The following HS6ST3 variants were observed in gnomAD, a reference collection of about 807,000 sequenced individuals.
HS6ST3 encodes the protein heparan-sulfate 6-O-sulfotransferase 3.
Under a neutral mutation model 36.7 loss-of-function variants are expected in HS6ST3, and 12 were observed. The observed-to-expected ratio is 0.33, with a 90% CI of 0.21 to 0.53. HS6ST3 has a LOEUF of 0.53. HS6ST3 is among the 20% of genes least tolerant of loss of function. The pLI, the probability that HS6ST3 is intolerant of heterozygous loss-of-function variation, is 0.95. For synonymous variants in HS6ST3, 240 were observed against 257.5 expected, an observed-to-expected ratio of 0.93 and a Z score of 0.65; for missense variants, 584 against 640.9, an observed-to-expected ratio of 0.91 and a Z score of 0.96.
intron 1 of HS6ST3, among the ~76,000 whole-genome samples, chr13:96,555,791 CT>C (rs1322194242): frequency 6.6e-6 from 1 of 151,028 alleles, no homozygotes; most frequent in Non-Finnish European, 1.5e-5. Context: ...AATAAAGACT[CT>C]TTAAACAGAT....
chr13:96,351,508 C>T (rs1056656704), intron 1 of HS6ST3, among the ~76,000 whole-genome samples: 8 of 152,116 alleles, frequency 5.3e-5, no homozygotes, highest in Admixed American at 3.9e-4. Flanking sequence ...GACAGGGTTT[C>T]ACTGCATTGC....
chr13:96,674,630 T>C (rs982550883), intron 1 of HS6ST3, among the ~76,000 whole-genome samples: 1 of 152,098 alleles, frequency 6.6e-6, no homozygotes, highest in Non-Finnish European at 1.5e-5. Context: ...GACTCGTTGT[T>C]GTTGAGTTCG....
chr13:96,400,338 CAT>C lies in HS6ST3; in HGVS notation c.707+308771_707+308772del, dbSNP rs1491011801. ...ACACACACACACACACACACACACA[CAT>C]ACAAATTCTTGACTCCTGAATAGGC... On this transcript the variant is annotated intron_variant, in intron 1 of 1. Coordinates refer to ENST00000376705, the MANE Select transcript of HS6ST3 (RefSeq NM_153456.4). 1.2e-4 allele frequency among the ~76,000 whole-genome samples: 18 copies of C among 147,818 alleles called. 1 individual carries two copies. Among genetic ancestry groups the C allele is most frequent in the South Asian group, 2.2e-4 (1 of 4,600 alleles).
intron 1 of HS6ST3, among the ~76,000 whole-genome samples, chr13:96,544,214 G>A (rs747064334): frequency 1.1e-4 from 17 of 152,244 alleles, no homozygotes; most frequent in East Asian, 5.8e-4. Context: ...GGAACACTGC[G>A]TCTAATTTGG....
At position 96,839,362 on chromosome 13, in the gene HS6ST3, A is replaced by G. The variant is rs912550096; in HGVS notation, c.*6164A>G. The G allele has an allele frequency of 3.3e-5, 5 of 152,172 alleles. No homozygotes were observed. The highest frequency in any genetic ancestry group is 3.3e-4 in the Admixed American group (5 of 15,276). 9.4% of individuals were successfully genotyped at this position (152,172 alleles called of 1,614,324 possible). ...TAGATAGTTATTCAGTAGATAGTAA[A>G]TTATTTCTCTTAAGAGATATTTCCT... On this transcript the variant is annotated 3_prime_UTR_variant, in exon 2 of 2. Coordinates refer to ENST00000376705, the MANE Select transcript of HS6ST3 (RefSeq NM_153456.4).
rs571895630 is a variant in HS6ST3 at position 96,761,415 on chromosome 13, G to A, written c.708-71075G>A. Among the ~76,000 whole-genome samples, 36 of 151,756 alleles carry A rather than the reference G, an allele frequency of 2.4e-4. 1 individual carries two copies. The South Asian group carries it at 6.0e-3, about 26-fold the overall frequency. On this transcript the variant is annotated intron_variant, in intron 1 of 1. Transcript: ENST00000376705. The stretch of plus-strand genomic sequence containing the variant: ...GTTCTTATCTTCGTTGTTGGGTTAC[G>A]TATCTCCTACCTTTGATTTTTTTCA...
At chr13:96,301,614 G>A (rs1005064808) in intron 1 of HS6ST3, among the ~76,000 whole-genome samples, 1 of 151,996 alleles carries the variant, frequency 6.6e-6, no homozygotes. Flanking sequence ...TTTTCTGGCC[G>A]GGTGCGGGGG....
chr13:96,713,321 A>C (rs899127577), intron 1 of HS6ST3, among the ~76,000 whole-genome samples: 1 of 152,210 alleles, frequency 6.6e-6, no homozygotes, highest in Non-Finnish European at 1.5e-5. Context: ...GCATAAATAC[A>C]TATTGAGGGG....
At chr13:96,439,739 T>A (rs1303214384) in intron 1 of HS6ST3, among the ~76,000 whole-genome samples, 1 of 152,230 alleles carries the variant, frequency 6.6e-6, no homozygotes, top group Admixed American at 6.5e-5. Flanking sequence ...CTGTTAGTGC[T>A]AACGCAGTAC....
intron 1 of HS6ST3, among the ~76,000 whole-genome samples, chr13:96,801,872 G>A (rs1878081590): frequency 6.6e-6 from 1 of 152,020 alleles, no homozygotes; most frequent in African/African-American, 2.4e-5. Context: ...AATCATAATG[G>A]GATTTATCAT....
chr13:96,698,360 A>G (rs1594839173), intron 1 of HS6ST3, among the ~76,000 whole-genome samples: 1 of 152,132 alleles, frequency 6.6e-6, no homozygotes, highest in Non-Finnish European at 1.5e-5. Flanking sequence ...CCATGTCCCT[A>G]CAAAGGACAT....
rs190334792 is a variant in HS6ST3, at chr13:96,672,960, G to C, written c.708-159530G>C. On this transcript the variant is annotated intron_variant, in intron 1 of 1. Transcript: ENST00000376705. ...TGGTTTAAAGCAACAGAAATTTGTT[G>C]TCTCATAGTTCTGGAGGCCAGAGCC... is the stretch of plus-strand genomic sequence containing the variant. Among the ~76,000 whole-genome samples, 213 of 152,242 alleles carry C rather than the reference G, an allele frequency of 1.4e-3. 1 individual carries two copies. Among genetic ancestry groups the C allele is most frequent in the Non-Finnish European group, 1.9e-3 (130 of 67,992 alleles).
chr13:96,175,474 A>G (rs963594992), intron 1 of HS6ST3, among the ~76,000 whole-genome samples: 4 of 152,018 alleles, frequency 2.6e-5, no homozygotes, highest in African/African-American at 7.2e-5. Context: ...TTTCGGTTCA[A>G]TATCATCAGC....
intron 1 of HS6ST3, among the ~76,000 whole-genome samples, chr13:96,798,159 T>C (rs1877959807): frequency 6.6e-6 from 1 of 151,986 alleles, no homozygotes; most frequent in Non-Finnish European, 1.5e-5. Flanking sequence ...GACGAAGAGA[T>C]GCAAGGCATA....
intron 1 of HS6ST3, among the ~76,000 whole-genome samples, chr13:96,444,607 CAA>C (rs1566362955): frequency 6.6e-6 from 1 of 151,998 alleles, no homozygotes; most frequent in African/African-American, 2.4e-5. Flanking sequence ...TGTGCATAAA[CAA>C]TATTTTATGC....
At chr13:96,656,998 T>TGTGAGA (rs1397374817) in intron 1 of HS6ST3, among the ~76,000 whole-genome samples, 1,062 of 98,314 alleles carry the variant, frequency 0.011, 5 homozygotes, top group African/African-American at 0.023. Context: ...TGTGTGTGTG[T>TGTGAGA]GAGAGAGAGA....
intron 1 of HS6ST3, among the ~76,000 whole-genome samples, chr13:96,542,033 G>T (rs192249201): frequency 1.3e-5 from 2 of 152,234 alleles, no homozygotes; most frequent in Non-Finnish European, 2.9e-5. Context: ...TTTACCTCCT[G>T]TGTATTAGTT....
intron 1 of HS6ST3, among the ~76,000 whole-genome samples, chr13:96,608,410 G>A (rs115047194): frequency 0.012 from 1,752 of 152,254 alleles, 28 homozygotes; most frequent in African/African-American, 0.04. Context: ...CGGATATTAC[G>A]TGCCTCCTAT....
At chr13:96,334,134 C>T (rs968809638) in intron 1 of HS6ST3, among the ~76,000 whole-genome samples, 1 of 152,106 alleles carries the variant, frequency 6.6e-6, no homozygotes, top group Admixed American at 6.6e-5. Context: ...GCCAGGGCCT[C>T]AAAACTGGGT....
Sources: allele counts gnomAD v4.1 joint callset (sites outside exome capture counted in the v4.1 genomes callset), GRCh38; gene constraint gnomAD v4.1.1; transcripts MANE v1.5; gene names NCBI Gene and HGNC (gene_info 2026-07-23, HGNC 2026-07-21).